Variants in CUEDC1 observed in about 807,000 individuals in gnomAD.
CUEDC1 encodes the protein CUE domain-containing protein 1.
Under a neutral mutation model 43.7 loss-of-function variants are expected in CUEDC1, and 30 were observed. The ratio of observed to expected loss-of-function variants is 0.69; its 90% CI spans 0.51 to 0.93. CUEDC1 has a LOEUF of 0.93. Among genes scored for constraint, CUEDC1 ranks in the 40% least tolerant of loss-of-function variants. The probability of loss-of-function intolerance (pLI) is 0.00; values close to 1 mark genes in which losing one functional copy is unlikely to be tolerated. For missense variants in CUEDC1, 486 were observed against 549.0 expected (o/e 0.89, Z 1.15); for synonymous variants, 223 against 223.6 (o/e 1.00, Z 0.02).
At chr17:57,891,456 A>G (rs2074354025) in intron 1 of CUEDC1, among the ~76,000 whole-genome samples, 1 of 151,966 alleles carries the variant, frequency 6.6e-6, no homozygotes, top group Non-Finnish European at 1.5e-5. Flanking sequence ...TACCCTCCCT[A>G]GCTCCCTGCC....
chr17:57,908,793 C>T (rs946018351), intron 1 of CUEDC1, among the ~76,000 whole-genome samples: 3 of 152,166 alleles, frequency 2.0e-5, no homozygotes, highest in African/African-American at 7.2e-5. Flanking sequence ...GTCAGGAGAT[C>T]GAGACCATCC....
At chr17:57,869,286 A>G (rs1219692503) in intron 6 of CUEDC1, 93 bp from the exon 7 acceptor site, 58 of 1,101,076 alleles carry the variant, frequency 5.3e-5, no homozygotes, top group Non-Finnish European at 7.9e-5. Context: ...AATGCAAAGA[A>G]AGAGCAGGCT....
At position 57,869,443 on chromosome 17, in the gene CUEDC1, G is replaced by A. The variant is rs574762710; in HGVS notation, c.869-250C>T. 2.0e-5 allele frequency among the ~76,000 whole-genome samples: 3 copies of A among 152,326 alleles called. No homozygotes were observed. The South Asian group carries it at 6.2e-4, about 32-fold the overall frequency. On this transcript the variant is annotated intron_variant, in intron 6 of 10. Coordinates refer to ENST00000577830, the MANE Select transcript of CUEDC1 (RefSeq NM_001271875.2). Reference sequence around the variant, plus strand: ...GTGTGCAGACAGCCAGCTCGTGTGTGCTCCCAACTGTCCACGCCTCTGACC... The same window carrying A: ...GTGTGCAGACAGCCAGCTCGTGTGTACTCCCAACTGTCCACGCCTCTGACC...
At chr17:57,866,683 C>A (rs1271266041) in intron 9 of CUEDC1, 139 bp from the exon 10 acceptor site, 6 of 746,194 alleles carry the variant, frequency 8.0e-6, no homozygotes, top group Non-Finnish European at 1.1e-5. Flanking sequence ...CCCAGGTAGA[C>A]GATGCATGGG....
intron 1 of CUEDC1, among the ~76,000 whole-genome samples, chr17:57,935,261 C>T (rs940768768): frequency 6.6e-6 from 1 of 152,166 alleles, no homozygotes; most frequent in African/African-American, 2.4e-5. Flanking sequence ...TCCTTAAAGA[C>T]CTGCTTCAGG....
intron 1 of CUEDC1, among the ~76,000 whole-genome samples, chr17:57,942,352 A>G (rs768723747): frequency 2.6e-5 from 4 of 151,992 alleles, no homozygotes; most frequent in Non-Finnish European, 4.4e-5. Flanking sequence ...GTCAAAAACT[A>G]TTTTTGAATT....
chr17:57,901,354 T>G (rs1212500052), intron 1 of CUEDC1, among the ~76,000 whole-genome samples: 1 of 152,172 alleles, frequency 6.6e-6, no homozygotes, highest in Non-Finnish European at 1.5e-5. Flanking sequence ...CAGCGCACAC[T>G]GTAGACACTC....
chr17:57,934,348 C>T (rs976330273), intron 1 of CUEDC1, among the ~76,000 whole-genome samples: 8 of 151,938 alleles, frequency 5.3e-5, no homozygotes, highest in Non-Finnish European at 1.0e-4. Flanking sequence ...GCCAAGATCA[C>T]ACCACTGCAC....
At chr17:57,924,314 C>T (rs2074725385) in intron 1 of CUEDC1, among the ~76,000 whole-genome samples, 1 of 152,180 alleles carries the variant, frequency 6.6e-6, no homozygotes, top group African/African-American at 2.4e-5. Flanking sequence ...CCATGTTGGC[C>T]AGGATGGTCT....
intron 1 of CUEDC1, among the ~76,000 whole-genome samples, chr17:57,929,056 C>T (rs2074777974): frequency 6.6e-6 from 1 of 152,118 alleles, no homozygotes; most frequent in South Asian, 2.1e-4. Context: ...TTAAAGGCCA[C>T]CGTCTGTCTA....
chr17:57,912,827 G>A (rs755185274), intron 1 of CUEDC1, among the ~76,000 whole-genome samples: 1 of 152,020 alleles, frequency 6.6e-6, no homozygotes, highest in African/African-American at 2.4e-5. Context: ...CAGAATCTCC[G>A]GGGAGCCTTT....
At chr17:57,908,722 G>A (rs1411989980) in intron 1 of CUEDC1, among the ~76,000 whole-genome samples, 3 of 152,174 alleles carry the variant, frequency 2.0e-5, no homozygotes, top group African/African-American at 4.8e-5. Flanking sequence ...ATGTGACCAG[G>A]TGCAGTGGCT....
rs141878579 is a variant in CUEDC1 at position 57,904,372 on chromosome 17, T to TA, written c.-315-18494_-315-18493insT. 6.4e-4 allele frequency among the ~76,000 whole-genome samples: 95 copies of TA among 149,238 alleles called. 1 individual carries two copies. The highest frequency in any genetic ancestry group is 2.3e-3 in the African/African-American group (93 of 40,324). The stretch of plus-strand genomic sequence containing the variant: ...AAAGTCACACATCAGCCACCAGGAG[T>TA]GGTGGGAAAGGCTGAATTCTGGAGA... On this transcript the variant is annotated intron_variant, in intron 1 of 10. Coordinates refer to ENST00000577830, the MANE Select transcript of CUEDC1 (RefSeq NM_001271875.2).
chr17:57,882,729 T>C (rs1173800862), intron 2 of CUEDC1, among the ~76,000 whole-genome samples: 1 of 152,228 alleles, frequency 6.6e-6, no homozygotes, highest in African/African-American at 2.4e-5. Flanking sequence ...CCCTTTACGA[T>C]GATCTACTTC....
At chr17:57,896,129 C>G (rs1421016443) in intron 1 of CUEDC1, among the ~76,000 whole-genome samples, 1 of 152,174 alleles carries the variant, frequency 6.6e-6, no homozygotes, top group Non-Finnish European at 1.5e-5. Flanking sequence ...AAACAGAACT[C>G]CCAACCCCTG....
intron 1 of CUEDC1, among the ~76,000 whole-genome samples, chr17:57,905,047 G>A (rs556690129): frequency 6.6e-6 from 1 of 152,244 alleles, no homozygotes; most frequent in Admixed American, 6.5e-5. Flanking sequence ...AGCTGCCCGG[G>A]GCTCTGCAGA....
intron 1 of CUEDC1, among the ~76,000 whole-genome samples, chr17:57,906,988 A>G (rs989032420): frequency 1.3e-4 from 20 of 151,432 alleles, no homozygotes; most frequent in Middle Eastern, 3.4e-3. Flanking sequence ...AAAAAAAAAA[A>G]AAGAAGACAC....
intron 1 of CUEDC1, among the ~76,000 whole-genome samples, chr17:57,914,265 C>T (rs145916455): frequency 6.6e-6 from 1 of 152,310 alleles, no homozygotes; most frequent in African/African-American, 2.4e-5. Context: ...ATAGCAAATA[C>T]TTGTATTAGC....
At chr17:57,890,806 G>C (rs548891027) in intron 1 of CUEDC1, among the ~76,000 whole-genome samples, 20 of 152,318 alleles carry the variant, frequency 1.3e-4, no homozygotes, top group African/African-American at 4.8e-4. Flanking sequence ...GTACATCAGG[G>C]CCAGCGAGGG....
Sources: gnomAD v4.1 joint callset for allele counts (sites outside exome capture counted in the v4.1 genomes callset) on GRCh38, gnomAD v4.1.1 for gene constraint, MANE v1.5 for transcripts, NCBI Gene and HGNC (gene_info 2026-07-23, HGNC 2026-07-21) for gene names.